The following GPR157 variants were observed in gnomAD, a reference collection of about 807,000 sequenced individuals.
GPR157 encodes the protein G protein-coupled receptor 157.
In GPR157, 16 loss-of-function variants were observed where a neutral mutation model predicts 23.5. That is an observed-to-expected ratio of 0.68 (90% CI 0.46 to 1.04). The LOEUF (loss-of-function observed/expected upper bound fraction) is 1.04, where lower values mean the gene tolerates loss of function less well. GPR157 is among the 50% of genes least tolerant of loss of function. The pLI is 0.00. For synonymous variants in GPR157, 200 were observed against 221.5 expected, an observed-to-expected ratio of 0.90 and a Z score of 0.86; for missense variants, 440 against 460.7, an observed-to-expected ratio of 0.96 and a Z score of 0.41.
chr1:9,128,589 G>A lies in GPR157; in HGVS notation c.383+56C>T, dbSNP rs1008132152. ...ACGCGGCCTCTGGGAGGGCAAGACC[G>A]GGAGGGGTCGGCCTGTGTCGGGGGC... On this transcript the variant is annotated intron_variant, in intron 1 of 3. Transcript: ENST00000377411. This position sits in a 1 kb window ranked among gnomAD's most constrained non-coding sequence, Gnocchi z 6.3. 2 of 1,546,666 alleles carry A rather than the reference G, an allele frequency of 1.3e-6. No individual in the cohort carries two copies. Among genetic ancestry groups the A allele is most frequent in the Non-Finnish European group, 1.8e-6 (2 of 1,125,626 alleles).
In GPR157 at chr1:9,116,322, A is replaced by AAT. The variant is rs1294367590; in HGVS notation, c.384-4834_384-4833insAT. The stretch of plus-strand genomic sequence containing the variant: ...ATATATATTATATTATATATAATAT[A>AAT]TATAAATTATATATAATTTATATAT... On this transcript the variant is annotated intron_variant, in intron 1 of 3. Transcript: ENST00000377411. 9.2e-3 allele frequency among the ~76,000 whole-genome samples: 331 copies of AAT among 35,944 alleles called. 58 individuals carry two copies. The highest frequency in any genetic ancestry group is 0.033 in the East Asian group (11 of 330). The allele number at this position is 35,944 out of a possible 152,430, so 23.6% of individuals were successfully genotyped here. A position where few individuals can be genotyped will look rare whatever the true frequency, so the allele number is the denominator to read the frequency against.
intron 1 of GPR157, among the ~76,000 whole-genome samples, chr1:9,123,300 T>A (rs1200692016): frequency 0.013 from 624 of 47,510 alleles, 41 homozygotes; most frequent in Non-Finnish European, 0.019. Context: ...TAATATATAT[T>A]TAATTTAAAT....
intron 1 of GPR157, among the ~76,000 whole-genome samples, chr1:9,127,146 T>C (rs1364931870): frequency 1.3e-5 from 2 of 152,088 alleles, no homozygotes; most frequent in Non-Finnish European, 2.9e-5. Flanking sequence ...CCCAAAGTGC[T>C]GGGATTACGG....
chr1:9,113,273 C>T (rs1013626966), intron 1 of GPR157, among the ~76,000 whole-genome samples: 2 of 152,072 alleles, frequency 1.3e-5, no homozygotes, highest in African/African-American at 2.4e-5. Context: ...GTGCCTGGAG[C>T]GCAAAGCCTT....
chr1:9,127,235 C>T (rs1382469457), intron 1 of GPR157, among the ~76,000 whole-genome samples: 1 of 152,104 alleles, frequency 6.6e-6, no homozygotes, highest in African/African-American at 2.4e-5. Flanking sequence ...CTAGAGGGTC[C>T]GTAATGAGAA....
chr1:9,107,862 AGG>A (rs1638379991), intron 2 of GPR157, among the ~76,000 whole-genome samples: 1 of 152,124 alleles, frequency 6.6e-6, no homozygotes. Context: ...CGGGAGGCAG[AGG>A]TTACAGTGAG....
intron 1 of GPR157, among the ~76,000 whole-genome samples, chr1:9,123,230 T>G (rs1638843749): frequency 8.8e-6 from 1 of 113,628 alleles, no homozygotes; most frequent in Non-Finnish European, 1.7e-5. Flanking sequence ...AAATATATAT[T>G]TAAATATATA....
chr1:9,105,584 G>C lies in GPR157; in HGVS notation c.694C>G (p.Leu232Val). The change falls in exon 3 of 4, where the codon CTC becomes GTC. Residue 232 changes from leucine to valine, a missense_variant. Leu to Val is a conservative substitution (Grantham distance 32). Coordinates refer to ENST00000377411, the MANE Select transcript of GPR157 (RefSeq NM_024980.5). This position sits in a 1 kb window ranked among gnomAD's most constrained non-coding sequence, Gnocchi z 4.8. ...MADKKLVLIP[L>V]IFIGLRVWST... ...CAGACCCTGAGGCCGATGAAGATGA[G>C]CGGGATGAGCACCAGCTTCTTGTCC... 1 of 1,611,026 alleles carries C rather than the reference G, an allele frequency of 6.2e-7. No individual in the cohort carries two copies. The highest frequency in any genetic ancestry group is 2.2e-5 in the East Asian group (1 of 44,782).
In GPR157 at chr1:9,126,914, C is replaced by CT. The variant is rs977276720; in HGVS notation, c.383+1730dup. ...TCCTTCATTTTTTAAAAATTTTTTT[C>CT]TTTTTTTTTTGAGAGAGGGTGTTGC... On this transcript the variant is annotated intron_variant, in intron 1 of 3. Coordinates refer to ENST00000377411, the MANE Select transcript of GPR157 (RefSeq NM_024980.5). 6.3e-4 allele frequency among the ~76,000 whole-genome samples: 94 copies of CT among 148,472 alleles called. No individual in the cohort carries two copies. The South Asian group carries it at 7.5e-3, about 12-fold the overall frequency.
At chr1:9,110,477 T>C (rs1335787893) in intron 2 of GPR157, among the ~76,000 whole-genome samples, 3 of 152,178 alleles carry the variant, frequency 2.0e-5, no homozygotes, top group African/African-American at 7.2e-5. Context: ...GAGCCGAGAT[T>C]GTGCCACTGC....
intron 1 of GPR157, among the ~76,000 whole-genome samples, chr1:9,113,329 A>C (rs1638555522): frequency 6.6e-6 from 1 of 152,236 alleles, no homozygotes; most frequent in Non-Finnish European, 1.5e-5. Context: ...TCAGAGTTCA[A>C]CATGAATCTG....
rs1642579914 is a variant in GPR157, at chr1:9,102,543, AAC to A, written c.*1874_*1875del. ...ATACAGATTTTGGTTTTGAGAGTCA[AAC>A]AGGGATCGGCAGCACAGCGTGACTT... On this transcript the variant is annotated 3_prime_UTR_variant, in exon 4 of 4. Transcript: ENST00000377411. 1 of 152,294 alleles carries A rather than the reference AAC, an allele frequency of 6.6e-6. No individual in the cohort carries two copies. The highest frequency in any genetic ancestry group is 1.5e-5 in the Non-Finnish European group (1 of 68,060). 9.4% of individuals were successfully genotyped at this position (152,294 alleles called of 1,614,324 possible).
chr1:9,116,629 G>C (rs562771166), intron 1 of GPR157, among the ~76,000 whole-genome samples: 1 of 150,542 alleles, frequency 6.6e-6, no homozygotes, highest in African/African-American at 2.4e-5. Flanking sequence ...TGTAATCCCA[G>C]CTACTCAGGA....
At chr1:9,108,236 C>T (rs887387278) in intron 2 of GPR157, among the ~76,000 whole-genome samples, 2 of 152,190 alleles carry the variant, frequency 1.3e-5, no homozygotes, top group Admixed American at 1.3e-4. Flanking sequence ...CAATCTTCTG[C>T]AACTAACCTG....
chr1:9,122,385 GA>G (rs1638818256), intron 1 of GPR157, among the ~76,000 whole-genome samples: 1 of 152,238 alleles, frequency 6.6e-6, no homozygotes, highest in Admixed American at 6.5e-5. Context: ...AATGCTGTCA[GA>G]ATCAGTGGAC....
chr1:9,115,097 A>G (rs1285900399), intron 1 of GPR157, among the ~76,000 whole-genome samples: 2 of 151,972 alleles, frequency 1.3e-5, no homozygotes, highest in East Asian at 3.9e-4. Flanking sequence ...AGAGGGTGGA[A>G]TGGTCCACTG....
rs1264839448 is a variant in GPR157 at position 9,123,495 on chromosome 1, AT to A, written c.383+5149del. 4.2e-5 allele frequency among the ~76,000 whole-genome samples: 4 copies of A among 94,308 alleles called. No individual in the cohort carries two copies. In the East Asian group the frequency reaches 1.2e-3, roughly 29 times the overall value. The allele number at this position is 94,308 out of a possible 152,430, so 61.9% of individuals were successfully genotyped here. A position where few individuals can be genotyped will look rare whatever the true frequency, so the allele number is the denominator to read the frequency against. ...AAATATATATTTTAAAAATATATAA[AT>A]TATATATTCAAAATATATATTTAAT... is the stretch of plus-strand genomic sequence containing the variant. On this transcript the variant is annotated intron_variant, in intron 1 of 3. Transcript: ENST00000377411.
At chr1:9,126,968 C>G (rs1394785631) in intron 1 of GPR157, among the ~76,000 whole-genome samples, 1 of 151,820 alleles carries the variant, frequency 6.6e-6, no homozygotes, top group Non-Finnish European at 1.5e-5. Context: ...TCACTACAGC[C>G]TCGACCTCCC....
At chr1:9,116,730 GA>G (rs70985593) in intron 1 of GPR157, among the ~76,000 whole-genome samples, 15,064 of 122,394 alleles carry the variant, frequency 0.12, 855 homozygotes, top group Middle Eastern at 0.23. Context: ...GGTGACAGAG[GA>G]AAAAAAAAAA....
Sources: gnomAD v4.1 joint callset for allele counts (sites outside exome capture counted in the v4.1 genomes callset) on GRCh38, gnomAD v4.1.1 for gene constraint, Gnocchi (gnomAD v3.1) non-coding constraint, MANE v1.5 for transcripts, NCBI Gene and HGNC (gene_info 2026-07-23, HGNC 2026-07-21) for gene names.